Variants in PACS1 observed in about 807,000 individuals in gnomAD.
PACS1 encodes the protein phosphofurin acidic cluster sorting protein 1.
PACS1 carries 24 observed loss-of-function variants against 115.0 expected under a neutral mutation model. The ratio of observed to expected loss-of-function variants is 0.21; its 90% CI spans 0.15 to 0.29. The LOEUF is 0.29. PACS1 is among the 10% of genes least tolerant of loss of function. The pLI is 1.00. For synonymous variants in PACS1, 453 were observed against 504.5 expected, an observed-to-expected ratio of 0.90 and a Z score of 1.37; for missense variants, 838 against 1,251.2, an observed-to-expected ratio of 0.67 and a Z score of 4.98.
chr11:66,156,800 C>T (rs1199163653), intron 1 of PACS1, among the ~76,000 whole-genome samples: 2 of 151,528 alleles, frequency 1.3e-5, no homozygotes, highest in Non-Finnish European at 2.9e-5. Flanking sequence ...CTTGCGCGAG[C>T]CGAGATGGCG....
chr11:66,232,864 C>G (rs895307273), intron 14 of PACS1, 96 bp from the exon 15 acceptor site: 1 of 883,756 alleles, frequency 1.1e-6, no homozygotes, highest in African/African-American at 1.6e-5. Flanking sequence ...GGACAGGGGC[C>G]CTGCAGCTCG....
At chr11:66,114,044 A>G (rs1858248122) in intron 1 of PACS1, among the ~76,000 whole-genome samples, 1 of 152,128 alleles carries the variant, frequency 6.6e-6, no homozygotes, top group Non-Finnish European at 1.5e-5. Flanking sequence ...TTGACATAGG[A>G]CATGTGTACA....
At chr11:66,100,207 T>C (rs1324850335) in intron 1 of PACS1, among the ~76,000 whole-genome samples, 1 of 152,176 alleles carries the variant, frequency 6.6e-6, no homozygotes, top group Non-Finnish European at 1.5e-5. Context: ...AAAAACCATG[T>C]ATTCAGACTG....
In PACS1 at chr11:66,233,133, C is replaced by A; in HGVS notation, c.1838+67C>A. On this transcript the variant is annotated intron_variant, in intron 15 of 23. Coordinates refer to ENST00000320580, the MANE Select transcript of PACS1 (RefSeq NM_018026.4). The surrounding 1 kb of genome is among the most constrained non-coding windows in gnomAD (Gnocchi z 4.5). Reference sequence around the variant, plus strand: ...CTCTGACCTCATCTTCCAACCCTGACTTCTAAGCAATGATAGACCCTCCTG... The same window carrying A: ...CTCTGACCTCATCTTCCAACCCTGAATTCTAAGCAATGATAGACCCTCCTG... 8.2e-7 allele frequency: 1 copy of A among 1,218,968 alleles called. No homozygotes were observed. The highest frequency in any genetic ancestry group is 1.2e-6 in the Non-Finnish European group (1 of 837,972). The allele number at this position is 1,218,968 out of a possible 1,614,324, so 75.5% of individuals were successfully genotyped here.
At chr11:66,172,860 C>T (rs1026650593) in intron 1 of PACS1, among the ~76,000 whole-genome samples, 2 of 151,612 alleles carry the variant, frequency 1.3e-5, no homozygotes, top group African/African-American at 4.9e-5. Context: ...CCTGTAGTCC[C>T]AGCTACTCAG....
chr11:66,092,880 A>G (rs572327408), intron 1 of PACS1, among the ~76,000 whole-genome samples: 17 of 152,180 alleles, frequency 1.1e-4, no homozygotes, highest in African/African-American at 2.4e-4. Context: ...CCATTGATCT[A>G]TATCTCTGTT....
chr11:66,145,471 G>A (rs1859099354), intron 1 of PACS1, among the ~76,000 whole-genome samples: 1 of 152,094 alleles, frequency 6.6e-6, no homozygotes, highest in East Asian at 1.9e-4. Context: ...TATCCCAAGT[G>A]GGTCAAGCAA....
chr11:66,156,253 TA>T (rs1287580184), intron 1 of PACS1, among the ~76,000 whole-genome samples: 3 of 78,706 alleles, frequency 3.8e-5, no homozygotes, highest in African/African-American at 1.1e-4. Context: ...TATATATATA[TA>T]GTTTTTTTTT....
chr11:66,178,805 T>A (rs1236563639), intron 1 of PACS1, among the ~76,000 whole-genome samples: 1 of 152,010 alleles, frequency 6.6e-6, no homozygotes, highest in African/African-American at 2.4e-5. Context: ...TCAACAATAG[T>A]CAGAAACCTC....
chr11:66,220,156 T>C (rs1855308592), intron 8 of PACS1: 1 of 361,968 alleles, frequency 2.8e-6, no homozygotes, highest in East Asian at 6.2e-5. Context: ...CAGCAGCTTG[T>C]GAGGTGGAAA....
At chr11:66,143,150 T>A (rs902890983) in intron 1 of PACS1, among the ~76,000 whole-genome samples, 8 of 152,148 alleles carry the variant, frequency 5.3e-5, no homozygotes, top group Admixed American at 2.0e-4. Flanking sequence ...TAGATTATAG[T>A]GTTGTCAGGA....
intron 1 of PACS1, among the ~76,000 whole-genome samples, chr11:66,087,626 T>C (rs1178074069): frequency 6.6e-6 from 1 of 152,220 alleles, no homozygotes; most frequent in East Asian, 1.9e-4. Context: ...GTAATCTTGT[T>C]GCTATGTAGT....
At chr11:66,081,673 A>C (rs1197488224) in intron 1 of PACS1, among the ~76,000 whole-genome samples, 1 of 152,178 alleles carries the variant, frequency 6.6e-6, no homozygotes. Flanking sequence ...GAGATGGTAC[A>C]GGCCCCGCCT....
chr11:66,072,545 C>T (rs145844598), intron 1 of PACS1, among the ~76,000 whole-genome samples: 18 of 152,040 alleles, frequency 1.2e-4, no homozygotes, highest in African/African-American at 3.6e-4. Context: ...TCTGTCCTTT[C>T]TCTAGGGAAA....
intron 1 of PACS1, among the ~76,000 whole-genome samples, chr11:66,110,862 C>T (rs938670279): frequency 6.6e-6 from 1 of 152,222 alleles, no homozygotes; most frequent in Non-Finnish European, 1.5e-5. Flanking sequence ...AGCCGTAGCA[C>T]CCAGCCAACA....
intron 1 of PACS1, among the ~76,000 whole-genome samples, chr11:66,085,122 C>T (rs774619820): frequency 3.9e-5 from 6 of 152,180 alleles, no homozygotes; most frequent in African/African-American, 9.7e-5. Context: ...TTGTCACTAA[C>T]GCAGCGAAAT....
chr11:66,093,640 G>C (rs917066283), intron 1 of PACS1, among the ~76,000 whole-genome samples: 5 of 148,494 alleles, frequency 3.4e-5, no homozygotes, highest in African/African-American at 1.2e-4. Flanking sequence ...AGATCAACAA[G>C]ATAGAAAGTT....
At chr11:66,113,493 CTAAG>C (rs1244534300) in intron 1 of PACS1, among the ~76,000 whole-genome samples, 2 of 152,134 alleles carry the variant, frequency 1.3e-5, no homozygotes, top group African/African-American at 4.8e-5. Flanking sequence ...ACCTCAAAGA[CTAAG>C]TATCTCCAAA....
chr11:66,074,941 G>GTTTTTTTTTT (rs71036269), intron 1 of PACS1, among the ~76,000 whole-genome samples: 1 of 114,224 alleles, frequency 8.8e-6, no homozygotes, highest in Non-Finnish European at 1.6e-5. Context: ...TTTTTTTGGT[G>GTTTTTTTTTT]TTTTTTTTTT....
Sources: allele counts gnomAD v4.1 joint callset (sites outside exome capture counted in the v4.1 genomes callset), GRCh38; gene constraint gnomAD v4.1.1; non-coding constraint Gnocchi (gnomAD v3.1); transcripts MANE v1.5; gene names NCBI Gene and HGNC (gene_info 2026-07-23, HGNC 2026-07-21).